Variants in TP63 observed in about 807,000 individuals in gnomAD.
The protein encoded by TP63 is tumor protein 63.
A neutral mutation model predicts 82.8 loss-of-function variants in TP63; 17 were observed. The observed-to-expected ratio is 0.21, with a 90% CI of 0.14 to 0.31. TP63 has a LOEUF of 0.31. Ranked by LOEUF, TP63 falls within the 10% of genes least tolerant of loss-of-function variation. The probability of loss-of-function intolerance (pLI) is 1.00; values close to 1 mark genes in which losing one functional copy is unlikely to be tolerated. For synonymous variants in TP63, 330 were observed against 321.7 expected (o/e 1.03, Z -0.28); for missense variants, 648 against 895.3 (o/e 0.72, Z 3.52).
intron 1 of TP63, among the ~76,000 whole-genome samples, chr3:189,719,997 C>T (rs1458642583): frequency 2.0e-5 from 3 of 152,174 alleles, no homozygotes; most frequent in Admixed American, 2.0e-4. Flanking sequence ...TAGTAATCTT[C>T]AGTAGCAGTT....
intron 3 of TP63, among the ~76,000 whole-genome samples, chr3:189,768,469 A>C (rs1723110089): frequency 6.6e-6 from 1 of 152,148 alleles, no homozygotes; most frequent in Non-Finnish European, 1.5e-5. Context: ...AGGTAGTTGC[A>C]TGTTACTTTT....
chr3:189,775,036 T>G (rs926366664), intron 3 of TP63, among the ~76,000 whole-genome samples: 7 of 152,036 alleles, frequency 4.6e-5, no homozygotes, highest in African/African-American at 1.7e-4. Context: ...CTGGCCAACA[T>G]AGTGAAACCT....
intron 1 of TP63, among the ~76,000 whole-genome samples, chr3:189,653,362 A>G (rs112591817): frequency 6.2e-4 from 94 of 152,328 alleles, no homozygotes; most frequent in African/African-American, 2.1e-3. Flanking sequence ...ATATGTTAAT[A>G]TATTTGATAG....
Position 189,790,407 on chromosome 3 carries a change from T to C in TP63, c.325-17865T>C, listed in dbSNP as rs1026214303. Among the ~76,000 whole-genome samples the C allele has an allele frequency of 3.3e-5, 5 of 152,230 alleles. 1 individual carries two copies. The South Asian group carries it at 8.3e-4, about 25-fold the overall frequency. On this transcript the variant is annotated intron_variant, in intron 3 of 13. Transcript: ENST00000264731. ...CTGTCGTCTGGAGGGTGACTTGTACTTTCACGTGTGATGACAAATAAAGTT... is the reference window on the plus strand; with the variant it reads ...CTGTCGTCTGGAGGGTGACTTGTACCTTCACGTGTGATGACAAATAAAGTT...
At chr3:189,889,769 T>C (rs928177346) in intron 12 of TP63, among the ~76,000 whole-genome samples, 1 of 152,232 alleles carries the variant, frequency 6.6e-6, no homozygotes, top group African/African-American at 2.4e-5. Context: ...CTCACATTTT[T>C]ACATTGTCAA....
Position 189,837,482 on chromosome 3 carries a change from A to ATTAAGAAATTTTAAATTTAAATC in TP63, c.580-26739_580-26738insTAAATTTAAATCTTAAGAAATTT, listed in dbSNP as rs1713327422. On this transcript the variant is annotated intron_variant, in intron 4 of 13. Transcript: ENST00000264731. ...AAGAAATTTTAAATTTAAATCTTAA[A>ATTAAGAAATTTTAAATTTAAATC]TTAAGAAATTTAAGAAACTTCTTAA... Among the ~76,000 whole-genome samples, 7 of 152,258 alleles carry ATTAAGAAATTTTAAATTTAAATC rather than the reference A, an allele frequency of 4.6e-5. No homozygotes were observed. In the South Asian group the frequency reaches 1.5e-3, roughly 32 times the overall value.
At chr3:189,833,243 A>T (rs936933556) in intron 4 of TP63, among the ~76,000 whole-genome samples, 3 of 152,216 alleles carry the variant, frequency 2.0e-5, no homozygotes, top group African/African-American at 7.2e-5. Flanking sequence ...AACAGTGATG[A>T]TAGTGATGGC....
chr3:189,751,572 G>A (rs1721823159), intron 3 of TP63, among the ~76,000 whole-genome samples: 1 of 152,216 alleles, frequency 6.6e-6, no homozygotes, highest in Non-Finnish European at 1.5e-5. Context: ...GATGGCCAGT[G>A]ATGGTGAGCA....
At chr3:189,689,757 A>G (rs1474746354) in intron 1 of TP63, among the ~76,000 whole-genome samples, 1 of 152,224 alleles carries the variant, frequency 6.6e-6, no homozygotes, top group African/African-American at 2.4e-5. Context: ...AAGGCCATAC[A>G]TAAGAGGAGT....
At chr3:189,889,239 G>T in intron 11 of TP63, 101 bp from the exon 12 acceptor site, 6 of 1,551,256 alleles carry the variant, frequency 3.9e-6, no homozygotes, top group Non-Finnish European at 5.3e-6. Context: ...AAGGCTGGTA[G>T]TTTAGGCCCT....
intron 1 of TP63, among the ~76,000 whole-genome samples, chr3:189,672,631 A>AG (rs1714994976): frequency 8.0e-6 from 1 of 125,438 alleles, no homozygotes; most frequent in Non-Finnish European, 1.7e-5. Flanking sequence ...AAAGGAAGGA[A>AG]GGAAGGGAGG....
intron 1 of TP63, among the ~76,000 whole-genome samples, chr3:189,682,058 C>A (rs995704414): frequency 6.6e-6 from 1 of 152,136 alleles, no homozygotes; most frequent in African/African-American, 2.4e-5. Context: ...CATGGTGAAA[C>A]CCGGTCTCTA....
intron 1 of TP63, among the ~76,000 whole-genome samples, chr3:189,677,684 T>C (rs1715562475): frequency 1.3e-5 from 2 of 152,004 alleles, no homozygotes; most frequent in African/African-American, 2.4e-5. Context: ...TTGTTTGCCA[T>C]AAAGGTTGCA....
chr3:189,803,967 G>A (rs1726595150), intron 3 of TP63, among the ~76,000 whole-genome samples: 1 of 152,164 alleles, frequency 6.6e-6, no homozygotes, highest in East Asian at 1.9e-4. Context: ...TGCAGGGTAT[G>A]TTAAGGTTAT....
intron 3 of TP63, among the ~76,000 whole-genome samples, chr3:189,758,192 C>G (rs891906351): frequency 6.6e-6 from 1 of 152,194 alleles, no homozygotes; most frequent in Non-Finnish European, 1.5e-5. Flanking sequence ...AGATCCCTCA[C>G]GTGAGCAGTT....
chr3:189,779,005 A>G (rs1042336661), intron 3 of TP63, among the ~76,000 whole-genome samples: 2 of 152,246 alleles, frequency 1.3e-5, no homozygotes, highest in Admixed American at 6.5e-5. Context: ...GTGTCTTTAT[A>G]TGACTTATAA....
At chr3:189,840,357 G>GTTTTTT (rs1448472305) in intron 4 of TP63, among the ~76,000 whole-genome samples, 1 of 49,946 alleles carries the variant, frequency 2.0e-5, no homozygotes, top group Non-Finnish European at 3.8e-5. Flanking sequence ...TTTGCTTTTC[G>GTTTTTT]TCTTTTTTTT....
chr3:189,736,843 T>G (rs1340352609), intron 1 of TP63, among the ~76,000 whole-genome samples: 1 of 152,042 alleles, frequency 6.6e-6, no homozygotes, highest in Non-Finnish European at 1.5e-5. Context: ...ACAGGAACAG[T>G]AACACTTAAG....
intron 1 of TP63, among the ~76,000 whole-genome samples, chr3:189,669,651 A>G (rs1448596276): frequency 6.6e-6 from 1 of 152,076 alleles, no homozygotes; most frequent in African/African-American, 2.4e-5. Flanking sequence ...ACATTTCTGA[A>G]TGTTTTGGAA....
Sources: allele counts gnomAD v4.1 joint callset (sites outside exome capture counted in the v4.1 genomes callset), GRCh38; gene constraint gnomAD v4.1.1; transcripts MANE v1.5; gene names NCBI Gene and HGNC (gene_info 2026-07-23, HGNC 2026-07-21).